The following CHST9 variants were observed in gnomAD, a reference collection of about 807,000 sequenced individuals.
CHST9 encodes GalNAc-4-sulfotransferase 2.
In CHST9, 41 loss-of-function variants were observed where a neutral mutation model predicts 44.4. The observed-to-expected ratio is 0.92, with a 90% CI of 0.72 to 1.20. CHST9 has a LOEUF of 1.20. Among genes scored for constraint, CHST9 ranks in the 50% most tolerant of loss-of-function variants. The probability of loss-of-function intolerance (pLI) is 0.00; values close to 1 mark genes in which losing one functional copy is unlikely to be tolerated. For synonymous variants in CHST9, 171 were observed against 178.4 expected (o/e 0.96, Z 0.33); for missense variants, 504 against 516.5 (o/e 0.98, Z 0.23).
intron 2 of CHST9, among the ~76,000 whole-genome samples, chr18:27,084,771 T>G (rs545605972): frequency 6.6e-6 from 1 of 152,038 alleles, no homozygotes; most frequent in Non-Finnish European, 1.5e-5. Flanking sequence ...CTTTCTAACT[T>G]TTTGATGTGG....
intron 5 of CHST9, chr18:26,933,778 ATAAC>A (rs2055924810): frequency 6.5e-6 from 1 of 153,426 alleles, no homozygotes; most frequent in Non-Finnish European, 1.5e-5. Context: ...ATGAAGATAG[ATAAC>A]AAACAAGGAA....
At chr18:27,097,936 G>C (rs1319031937) in intron 2 of CHST9, among the ~76,000 whole-genome samples, 1 of 151,944 alleles carries the variant, frequency 6.6e-6, no homozygotes, top group Non-Finnish European at 1.5e-5. Context: ...TGTTCCACTG[G>C]TCTATATATC....
intron 4 of CHST9, among the ~76,000 whole-genome samples, chr18:26,979,151 C>T (rs1003702836): frequency 5.3e-5 from 8 of 152,006 alleles, no homozygotes; most frequent in African/African-American, 1.9e-4. Context: ...AGAGTTTGAC[C>T]ATAAATAGCT....
At chr18:27,111,604 C>T (rs1308202364) in intron 2 of CHST9, among the ~76,000 whole-genome samples, 1 of 152,212 alleles carries the variant, frequency 6.6e-6, no homozygotes, top group Non-Finnish European at 1.5e-5. Flanking sequence ...AGTTCAAGAT[C>T]ACCCACTGAA....
intron 4 of CHST9, among the ~76,000 whole-genome samples, chr18:27,015,530 C>T (rs1288505859): frequency 6.6e-6 from 1 of 152,158 alleles, no homozygotes; most frequent in Non-Finnish European, 1.5e-5. Context: ...CATCCAGTCA[C>T]ACAGACCCCT....
intron 3 of CHST9, 125 bp from the exon 4 acceptor site, chr18:27,024,282 G>A (rs366853): frequency 1.4e-6 from 1 of 714,734 alleles, no homozygotes; most frequent in Non-Finnish European, 2.3e-6. Context: ...ATGATGGGAA[G>A]GGAGAGGGTC....
In CHST9 at chr18:26,924,274, G is replaced by A. The variant is rs544521688; in HGVS notation, c.241-6924C>T. Among the ~76,000 whole-genome samples, 9 of 152,272 alleles carry A rather than the reference G, an allele frequency of 5.9e-5. No homozygotes were observed. In the South Asian group the frequency reaches 1.7e-3, roughly 28 times the overall value. ...GAAACTGCTCAGATTCGAAGCATAA[G>A]GGTGACAGAAGTGTAAAGAATGGCT... is the stretch of plus-strand genomic sequence containing the variant. On this transcript the variant is annotated intron_variant, in intron 5 of 5. Transcript: ENST00000618847.
intron 4 of CHST9, among the ~76,000 whole-genome samples, chr18:26,965,507 T>G (rs2056453051): frequency 6.6e-6 from 1 of 152,198 alleles, no homozygotes; most frequent in African/African-American, 2.4e-5. Flanking sequence ...TAGCATGGGT[T>G]TTGGAATTCA....
chr18:27,045,053 A>G (rs1249413583), intron 3 of CHST9, among the ~76,000 whole-genome samples: 1 of 151,928 alleles, frequency 6.6e-6, no homozygotes, highest in Non-Finnish European at 1.5e-5. Flanking sequence ...TGAGAAAAAA[A>G]AAAAAAAACC....
At chr18:27,143,352 T>G (rs1442018943) in intron 1 of CHST9, among the ~76,000 whole-genome samples, 2 of 152,168 alleles carry the variant, frequency 1.3e-5, no homozygotes, top group African/African-American at 4.8e-5. Context: ...ATCATTTTTC[T>G]CTCATATAAA....
chr18:26,931,120 T>A (rs1437990582), intron 5 of CHST9, among the ~76,000 whole-genome samples: 1 of 152,202 alleles, frequency 6.6e-6, no homozygotes, highest in Non-Finnish European at 1.5e-5. Context: ...TGGACAGGCT[T>A]CTACCTAGTC....
intron 2 of CHST9, among the ~76,000 whole-genome samples, chr18:27,125,599 T>C (rs927733429): frequency 3.3e-5 from 5 of 152,226 alleles, no homozygotes; most frequent in African/African-American, 1.2e-4. Context: ...TTCATCAAGA[T>C]TCTTGCTAAA....
chr18:26,953,944 A>G lies in CHST9; in HGVS notation c.203-9578T>C, dbSNP rs138722086. On this transcript the variant is annotated intron_variant, in intron 4 of 5. Transcript: ENST00000618847. ...CACATGTGAAGTCTTGAAATGGGGCAAGGAAAAGAAGATGAGATTATGAAT... is the reference window on the plus strand; with the variant it reads ...CACATGTGAAGTCTTGAAATGGGGCGAGGAAAAGAAGATGAGATTATGAAT... Among the ~76,000 whole-genome samples the G allele has an allele frequency of 4.8e-3, 734 of 152,308 alleles. 5 individuals are homozygous for G. Among genetic ancestry groups the G allele is most frequent in the African/African-American group, 0.017 (710 of 41,562 alleles).
intron 1 of CHST9, among the ~76,000 whole-genome samples, chr18:27,154,598 C>T (rs2058683923): frequency 6.6e-6 from 1 of 152,076 alleles, no homozygotes; most frequent in South Asian, 2.1e-4. Context: ...GCCAGGGAAT[C>T]ACCAGAAAAG....
intron 1 of CHST9, among the ~76,000 whole-genome samples, chr18:27,144,933 G>A (rs1317920150): frequency 1.3e-5 from 2 of 152,004 alleles, no homozygotes; most frequent in African/African-American, 2.4e-5. Flanking sequence ...GCAGTGAGCT[G>A]TGACTGTGCC....
At chr18:27,080,295 TG>T (rs2057947460) in intron 2 of CHST9, among the ~76,000 whole-genome samples, 1 of 151,984 alleles carries the variant, frequency 6.6e-6, no homozygotes, top group African/African-American at 2.4e-5. Flanking sequence ...TATATGCCTT[TG>T]TTCATACTTG....
chr18:27,061,633 G>A (rs1367941389), intron 2 of CHST9, among the ~76,000 whole-genome samples: 1 of 152,124 alleles, frequency 6.6e-6, no homozygotes, highest in East Asian at 1.9e-4. Context: ...TTGCATCATT[G>A]GTGTGTAGGC....
At chr18:27,175,466 C>T (rs911709566) in intron 1 of CHST9, among the ~76,000 whole-genome samples, 3 of 152,036 alleles carry the variant, frequency 2.0e-5, no homozygotes, top group Admixed American at 6.6e-5. Context: ...AGAAATTCAA[C>T]AGCCCTGCCC....
At chr18:27,167,876 G>A (rs2143948383) in intron 1 of CHST9, among the ~76,000 whole-genome samples, 1 of 152,244 alleles carries the variant, frequency 6.6e-6, no homozygotes, top group African/African-American at 2.4e-5. Context: ...CTATCAAAAT[G>A]CTCTGAAACA....
Sources: allele counts gnomAD v4.1 joint callset (sites outside exome capture counted in the v4.1 genomes callset), GRCh38; gene constraint gnomAD v4.1.1; transcripts MANE v1.5; gene names NCBI Gene and HGNC (gene_info 2026-07-23, HGNC 2026-07-21).